ERC1: variants seen among roughly 807,000 people sequenced by gnomAD.
ERC1 encodes ELKS/RAB6-interacting/CAST family member 1.
ERC1 carries 56 observed loss-of-function variants against 132.0 expected under a neutral mutation model. The ratio of observed to expected loss-of-function variants is 0.42; its 90% CI spans 0.34 to 0.53. ERC1 has a LOEUF of 0.53. Among genes scored for constraint, ERC1 ranks in the 20% least tolerant of loss-of-function variants. ERC1 has a pLI of 0.03. For missense variants in ERC1, 1,202 were observed against 1,349.9 expected (o/e 0.89, Z 1.72); for synonymous variants, 478 against 476.1 (o/e 1.00, Z -0.05).
rs2094332027 is a variant in ERC1 at position 1,493,234 on chromosome 12, T to C, written c.*3004T>C. The C allele has an allele frequency of 5.2e-6, 1 of 190,914 alleles. No individual in the cohort carries two copies. The highest frequency in any genetic ancestry group is 1.1e-5 in the Non-Finnish European group (1 of 91,162). 11.8% of individuals were successfully genotyped at this position (190,914 alleles called of 1,614,324 possible). On this transcript the variant is annotated 3_prime_UTR_variant, in exon 19 of 19. Transcript: ENST00000360905. ...TGAAATGGAAAAATTTTGAACGGGC[T>C]TTAACATGTTTAAGAAATATGGATG... is the stretch of plus-strand genomic sequence containing the variant.
chr12:1,350,532 A>G (rs187357305), intron 15 of ERC1, among the ~76,000 whole-genome samples: 21 of 152,300 alleles, frequency 1.4e-4, no homozygotes, highest in African/African-American at 5.1e-4. Context: ...TGTAAGCCAC[A>G]CATGGTCTAT....
chr12:1,421,642 C>G (rs1437923045), intron 17 of ERC1, among the ~76,000 whole-genome samples: 2 of 152,066 alleles, frequency 1.3e-5, no homozygotes, highest in Admixed American at 1.3e-4. Context: ...GTGATGTTAT[C>G]TATAGGAGTA....
chr12:1,141,606 T>C lies in ERC1; in HGVS notation c.1570-14T>C. ...CTTTTTAATTCATCACTTGTAAAACTCCTACATTCTTAGGTGGATGCTCTC... is the reference window on the plus strand; with the variant it reads ...CTTTTTAATTCATCACTTGTAAAACCCCTACATTCTTAGGTGGATGCTCTC... On this transcript the variant is annotated splice_polypyrimidine_tract_variant and intron_variant, in intron 7 of 18. Transcript: ENST00000360905. The C allele has an allele frequency of 6.3e-7, 1 of 1,590,566 alleles. No individual in the cohort carries two copies. Among genetic ancestry groups the C allele is most frequent in the Non-Finnish European group, 8.5e-7 (1 of 1,169,704 alleles).
chr12:1,138,265 A>C (rs1249694157), intron 7 of ERC1, among the ~76,000 whole-genome samples: 1 of 134,004 alleles, frequency 7.5e-6, no homozygotes, highest in Non-Finnish European at 1.5e-5. Flanking sequence ...TATATTATAT[A>C]ATATAATTAC....
intron 8 of ERC1, among the ~76,000 whole-genome samples, chr12:1,151,381 T>G (rs1259706982): frequency 6.6e-6 from 1 of 152,174 alleles, no homozygotes; most frequent in Non-Finnish European, 1.5e-5. Context: ...TCCAGATCTC[T>G]CTCCAAGTCA....
chr12:1,414,799 A>G (rs574435497), intron 17 of ERC1, among the ~76,000 whole-genome samples: 32 of 152,030 alleles, frequency 2.1e-4, no homozygotes, highest in Non-Finnish European at 4.4e-4. Context: ...TATTCCCATC[A>G]TTTAAATAAA....
At chr12:1,155,177 T>A (rs1951251343) in intron 8 of ERC1, among the ~76,000 whole-genome samples, 1 of 151,770 alleles carries the variant, frequency 6.6e-6, no homozygotes, top group Non-Finnish European at 1.5e-5. Flanking sequence ...AATAAAAAAA[T>A]CTGATGGGCA....
chr12:1,317,554 A>T (rs1000921038), intron 15 of ERC1, among the ~76,000 whole-genome samples: 3 of 152,178 alleles, frequency 2.0e-5, no homozygotes, highest in Admixed American at 6.5e-5. Context: ...GTATAATTTT[A>T]AAAAAAGTAA....
chr12:1,194,250 G>A (rs547316255), intron 12 of ERC1, among the ~76,000 whole-genome samples: 3 of 151,934 alleles, frequency 2.0e-5, no homozygotes, highest in South Asian at 2.1e-4. Flanking sequence ...GTGAAACCCC[G>A]TCTCTACTAA....
intron 8 of ERC1, among the ~76,000 whole-genome samples, chr12:1,148,956 C>T (rs953503942): frequency 1.3e-5 from 2 of 152,098 alleles, no homozygotes; most frequent in African/African-American, 4.8e-5. Context: ...GTGCTTAGAT[C>T]CTTCCCATTC....
At chr12:1,422,694 T>A (rs2092472511) in intron 17 of ERC1, among the ~76,000 whole-genome samples, 1 of 152,238 alleles carries the variant, frequency 6.6e-6, no homozygotes, top group Non-Finnish European at 1.5e-5. Flanking sequence ...ACTGATTTCC[T>A]TTCCTTTGGA....
intron 15 of ERC1, among the ~76,000 whole-genome samples, chr12:1,330,209 G>GAAAAGC (rs1326932208): frequency 6.6e-6 from 1 of 152,158 alleles, no homozygotes; most frequent in African/African-American, 2.4e-5. Context: ...GGCCTATAAG[G>GAAAAGC]AAAAGCAACA....
At chr12:1,169,157 A>AT (rs1451408626) in intron 8 of ERC1, among the ~76,000 whole-genome samples, 7 of 152,222 alleles carry the variant, frequency 4.6e-5, no homozygotes, top group Admixed American at 1.3e-4. Context: ...GTTAATTATA[A>AT]TTTAACTAGA....
chr12:1,373,493 G>C (rs2087489728), intron 16 of ERC1, among the ~76,000 whole-genome samples: 1 of 152,180 alleles, frequency 6.6e-6, no homozygotes, highest in African/African-American at 2.4e-5. Context: ...TGAAAATTAA[G>C]GAAATTGGCC....
At chr12:1,388,673 T>C (rs2089656512) in intron 16 of ERC1, among the ~76,000 whole-genome samples, 1 of 152,168 alleles carries the variant, frequency 6.6e-6, no homozygotes, top group Non-Finnish European at 1.5e-5. Context: ...TCAATCACTC[T>C]GGCAGCTAAT....
chr12:1,238,837 C>G (rs188055747), intron 13 of ERC1, among the ~76,000 whole-genome samples: 47 of 152,038 alleles, frequency 3.1e-4, no homozygotes, highest in Middle Eastern at 6.8e-3. Context: ...TTTATATAAA[C>G]TAAAAGATAA....
At chr12:1,139,439 C>G (rs1171323907) in intron 7 of ERC1, among the ~76,000 whole-genome samples, 3 of 152,010 alleles carry the variant, frequency 2.0e-5, no homozygotes, top group South Asian at 2.1e-4. Flanking sequence ...TATTTTGTTA[C>G]TAGTTATTGT....
chr12:1,321,979 T>C (rs1043347941), intron 15 of ERC1, among the ~76,000 whole-genome samples: 2 of 152,174 alleles, frequency 1.3e-5, no homozygotes, highest in African/African-American at 4.8e-5. Flanking sequence ...GATGAAAAGC[T>C]TTCCATCTTT....
chr12:1,277,702 G>A (rs1188885265), intron 14 of ERC1, among the ~76,000 whole-genome samples: 1 of 152,084 alleles, frequency 6.6e-6, no homozygotes, highest in Non-Finnish European at 1.5e-5. Context: ...TAACATAAAC[G>A]GTGCTTGTAA....
Sources: gnomAD v4.1 joint callset for allele counts (sites outside exome capture counted in the v4.1 genomes callset) on GRCh38, gnomAD v4.1.1 for gene constraint, MANE v1.5 for transcripts, NCBI Gene and HGNC (gene_info 2026-07-23, HGNC 2026-07-21) for gene names.